Variants in CARNMT1 observed in about 807,000 individuals in gnomAD.
CARNMT1 encodes carnosine N-methyltransferase 1.
A neutral mutation model predicts 49.6 loss-of-function variants in CARNMT1; 28 were observed. That is an observed-to-expected ratio of 0.56 (90% CI 0.42 to 0.77). The LOEUF is 0.77. Among genes scored for constraint, CARNMT1 ranks in the 30% least tolerant of loss-of-function variants. The pLI is 0.00. For missense variants in CARNMT1, 421 were observed against 512.6 expected, an observed-to-expected ratio of 0.82 and a Z score of 1.73; for synonymous variants, 178 against 175.0, an observed-to-expected ratio of 1.02 and a Z score of -0.13.
chr9:75,023,559 CAT>C (rs752921638), intron 1 of CARNMT1, among the ~76,000 whole-genome samples: 2 of 152,172 alleles, frequency 1.3e-5, no homozygotes, highest in Non-Finnish European at 2.9e-5. Context: ...GCAAAGCTGC[CAT>C]AACATACATC....
rs766929269 is a variant in CARNMT1, at chr9:75,017,326, T to C, written c.353A>G (p.His118Arg). The change falls in exon 2 of 8, where the codon CAT (histidine) becomes CGT (arginine). Residue 118 changes from histidine (H) to arginine (R), a missense_variant. Around this residue, in one of 2 missense-constraint regions of CARNMT1, gnomAD observed 186 missense variants for 167.9 expected, o/e 1.11. Transcript: ENST00000376834. The stretch of plus-strand genomic sequence containing the variant: ...AATGGTCAGTAGTATTTCTTGATTA[T>C]GATCAATGCATTTCCGGATCTTGTC... ...HLDKIRKCID[H>R]NQEILLTIVN... The C allele has an allele frequency of 1.9e-6, 3 of 1,614,048 alleles. No homozygotes were observed. The highest frequency in any genetic ancestry group is 2.2e-5 in the East Asian group (1 of 44,864).
At position 74,981,862 on chromosome 9, in the gene CARNMT1, A is replaced by C. The variant is rs1482641920; in HGVS notation, c.*1905T>G. Reference sequence around the variant, plus strand: ...CCTTTCTGTTCGATTGATTTTTAAAAAATACTTATGTACTTTGCAAGTTTT... The same window carrying C: ...CCTTTCTGTTCGATTGATTTTTAAACAATACTTATGTACTTTGCAAGTTTT... On this transcript the variant is annotated 3_prime_UTR_variant, in exon 8 of 8. Coordinates refer to ENST00000376834, the MANE Select transcript of CARNMT1 (RefSeq NM_152420.3). The C allele has an allele frequency of 2.0e-5, 3 of 152,068 alleles. No homozygotes were observed. Among genetic ancestry groups the C allele is most frequent in the Non-Finnish European group, 4.4e-5 (3 of 67,974 alleles). The allele number at this position is 152,068 out of a possible 1,614,324, so 9.4% of individuals were successfully genotyped here.
intron 3 of CARNMT1, among the ~76,000 whole-genome samples, chr9:75,014,713 G>T (rs1833793981): frequency 6.6e-6 from 1 of 152,138 alleles, no homozygotes; most frequent in South Asian, 2.1e-4. Flanking sequence ...CAGGCATAGT[G>T]GTAGGTGTCT....
chr9:74,999,865 G>A lies in CARNMT1; in HGVS notation c.596C>T (p.Pro199Leu), dbSNP rs1587665478. The A allele has an allele frequency of 6.3e-7, 1 of 1,599,142 alleles. No individual in the cohort carries two copies. The highest frequency in any genetic ancestry group is 8.5e-7 in the Non-Finnish European group (1 of 1,174,930). The change falls in exon 4 of 8, where the codon CCT (proline) becomes CTT (leucine). Residue 199 changes from proline (P) to leucine (L), a missense_variant. Physicochemically the swap from Pro to Leu is moderately conservative, Grantham distance 98. Coordinates refer to ENST00000376834, the MANE Select transcript of CARNMT1 (RefSeq NM_152420.3). Reference sequence around the variant, plus strand: ...AGGTACCAGAATATTTACTTTAGAAGGATCCCTGAAATGAAATAAGGCAAT... The same window carrying A: ...AGGTACCAGAATATTTACTTTAGAAAGATCCCTGAAATGAAATAAGGCAAT... Reference protein sequence around the residue: ...LKNFPKERWDPSKVNILVPGA... With the variant: ...LKNFPKERWDLSKVNILVPGA...
At chr9:75,020,605 T>A (rs1822318812) in intron 1 of CARNMT1, among the ~76,000 whole-genome samples, 1 of 152,206 alleles carries the variant, frequency 6.6e-6, no homozygotes, top group African/African-American at 2.4e-5. Flanking sequence ...TTTCAATATC[T>A]TTGTCATTTG....
chr9:75,021,896 T>A (rs1029472054), intron 1 of CARNMT1, among the ~76,000 whole-genome samples: 9 of 151,992 alleles, frequency 5.9e-5, no homozygotes, highest in Non-Finnish European at 8.8e-5. Flanking sequence ...TATGATTGTG[T>A]CACTGCACTA....
In CARNMT1 at chr9:74,981,765, C is replaced by T. The variant is rs1231845090; in HGVS notation, c.*2002G>A. The T allele has an allele frequency of 6.6e-6, 1 of 151,958 alleles. No homozygotes were observed. Among genetic ancestry groups the T allele is most frequent in the South Asian group, 2.1e-4 (1 of 4,824 alleles). The allele number at this position is 151,958 out of a possible 1,614,324, so 9.4% of individuals were successfully genotyped here. A position where few individuals can be genotyped will look rare whatever the true frequency, so the allele number is the denominator to read the frequency against. On this transcript the variant is annotated 3_prime_UTR_variant, in exon 8 of 8. Coordinates refer to ENST00000376834, the MANE Select transcript of CARNMT1 (RefSeq NM_152420.3). ...AAAACAAAGATCATTTGTTTTGATA[C>T]AAGTTGTAAAAAAGTGAATACTAGT...
In CARNMT1 at chr9:75,028,264, G is replaced by T; in HGVS notation, c.-23C>A. 1 of 1,358,528 alleles carries T rather than the reference G, an allele frequency of 7.4e-7. No homozygotes were observed. Among genetic ancestry groups the T allele is most frequent in the South Asian group, 1.9e-5 (1 of 52,994 alleles). The allele number at this position is 1,358,528 out of a possible 1,614,324, so 84.2% of individuals were successfully genotyped here. Reference sequence around the variant, plus strand: ...CATCGCCGCCGCGGCCCTCGGCCTGGCTCGCTTGCGTCTCTCCGCGACCGA... The same window carrying T: ...CATCGCCGCCGCGGCCCTCGGCCTGTCTCGCTTGCGTCTCTCCGCGACCGA... On this transcript the variant is annotated 5_prime_UTR_variant, in exon 1 of 8. Transcript: ENST00000376834.
At chr9:75,011,278 G>T (rs1271795678) in intron 3 of CARNMT1, among the ~76,000 whole-genome samples, 2 of 152,134 alleles carry the variant, frequency 1.3e-5, no homozygotes, top group Non-Finnish European at 1.5e-5. Context: ...ACCCTGTAGT[G>T]GTGCTCCCAC....
chr9:74,990,346 G>A (rs1018049909), intron 6 of CARNMT1, among the ~76,000 whole-genome samples: 2 of 152,138 alleles, frequency 1.3e-5, no homozygotes, highest in Non-Finnish European at 2.9e-5. Flanking sequence ...CAGCAAAGAC[G>A]GAAACTAGAG....
At chr9:75,020,240 T>G (rs1202812154) in intron 1 of CARNMT1, among the ~76,000 whole-genome samples, 1 of 151,434 alleles carries the variant, frequency 6.6e-6, no homozygotes, top group African/African-American at 2.4e-5. Context: ...AATGGAAGTA[T>G]TTTTCATTTT....
chr9:75,027,195 A>C, intron 1 of CARNMT1: 1 of 1,194,448 alleles, frequency 8.4e-7, no homozygotes, highest in Non-Finnish European at 1.1e-6. Context: ...TCTTGGAATT[A>C]TAATTTTGTG....
chr9:75,022,836 A>T (rs1822413573), intron 1 of CARNMT1, among the ~76,000 whole-genome samples: 1 of 152,132 alleles, frequency 6.6e-6, no homozygotes, highest in South Asian at 2.1e-4. Flanking sequence ...CCCAAGTTAG[A>T]AATTAAAGGA....
intron 1 of CARNMT1, among the ~76,000 whole-genome samples, chr9:75,018,468 A>G (rs1310131354): frequency 7.9e-5 from 12 of 152,200 alleles, no homozygotes; most frequent in Admixed American, 3.9e-4. Context: ...AATTTTGGTG[A>G]TTGGTGAAAA....
chr9:75,001,213 A>G (rs1833343233), intron 3 of CARNMT1, among the ~76,000 whole-genome samples: 1 of 152,196 alleles, frequency 6.6e-6, no homozygotes, highest in African/African-American at 2.4e-5. Flanking sequence ...ATCTTTATAT[A>G]AAAATAACCA....
At chr9:74,988,951 G>A (rs539979121) in intron 6 of CARNMT1, among the ~76,000 whole-genome samples, 1 of 152,268 alleles carries the variant, frequency 6.6e-6, no homozygotes, top group South Asian at 2.1e-4. Flanking sequence ...AACAGAACAA[G>A]AGCATATCCC....
rs568052945 is a variant in CARNMT1, at chr9:75,005,479, T to C, written c.591-5609A>G. 4.0e-4 allele frequency among the ~76,000 whole-genome samples: 61 copies of C among 150,826 alleles called. No individual in the cohort carries two copies. The South Asian group carries it at 0.013, about 32-fold the overall frequency. ...ATATTTCATTAAGTATATGATCTTT[T>C]TTTTTTTTTTTTTGAGACGGAGTCT... is the stretch of plus-strand genomic sequence containing the variant. On this transcript the variant is annotated intron_variant, in intron 3 of 7. Transcript: ENST00000376834.
intron 2 of CARNMT1, chr9:75,016,747 A>G: frequency 3.5e-6 from 1 of 282,290 alleles, no homozygotes; most frequent in Non-Finnish European, 6.6e-6. Flanking sequence ...AAGTCCCTCC[A>G]GGTCATTGAT....
intron 6 of CARNMT1, among the ~76,000 whole-genome samples, chr9:74,985,864 GCCA>G (rs1390757203): frequency 2.0e-5 from 3 of 152,170 alleles, no homozygotes; most frequent in Non-Finnish European, 4.4e-5. Flanking sequence ...ACAGGCGTGA[GCCA>G]CCGTGTGTGC....
Sources: gnomAD v4.1 joint callset for allele counts (sites outside exome capture counted in the v4.1 genomes callset) on GRCh38, gnomAD v4.1.1 for gene constraint, gnomAD v4.1.1 regional missense constraint, MANE v1.5 for transcripts, NCBI Gene and HGNC (gene_info 2026-07-23, HGNC 2026-07-21) for gene names.